INPP4B: variants seen among roughly 807,000 people sequenced by gnomAD.
INPP4B encodes the protein inositol polyphosphate-4-phosphatase type II B, also known as inositol polyphosphate 4-phosphatase type II.
Under a neutral mutation model 122.5 loss-of-function variants are expected in INPP4B, and 55 were observed. The observed-to-expected ratio is 0.45, with a 90% CI of 0.36 to 0.56. INPP4B has a LOEUF of 0.56. INPP4B is among the 20% of genes least tolerant of loss of function. The probability of loss-of-function intolerance (pLI) is 0.00; values close to 1 mark genes in which losing one functional copy is unlikely to be tolerated. For synonymous variants in INPP4B, 403 were observed against 388.7 expected, an observed-to-expected ratio of 1.04 and a Z score of -0.43; for missense variants, 1,000 against 1,097.7, an observed-to-expected ratio of 0.91 and a Z score of 1.26.
At chr4:142,662,242 A>C (rs940162859) in intron 2 of INPP4B, among the ~76,000 whole-genome samples, 23 of 152,038 alleles carry the variant, frequency 1.5e-4, no homozygotes, top group African/African-American at 3.1e-4. Flanking sequence ...CAAAAAAAAA[A>C]ACAAAAAACA....
intron 1 of INPP4B, among the ~76,000 whole-genome samples, chr4:142,823,207 T>C (rs1781011473): frequency 6.6e-6 from 1 of 152,150 alleles, no homozygotes; most frequent in Non-Finnish European, 1.5e-5. Context: ...GCCAGAAGTA[T>C]TTGGTGAAGC....
At chr4:142,243,093 T>C (rs1366092804) in intron 11 of INPP4B, among the ~76,000 whole-genome samples, 1 of 152,086 alleles carries the variant, frequency 6.6e-6, no homozygotes, top group Non-Finnish European at 1.5e-5. Context: ...CGGAAGAGCA[T>C]AATTAAAAGC....
At chr4:142,597,608 C>T (rs1422416821) in intron 2 of INPP4B, among the ~76,000 whole-genome samples, 2 of 152,146 alleles carry the variant, frequency 1.3e-5, no homozygotes, top group Admixed American at 6.5e-5. Context: ...CAAAATCAGA[C>T]ATGCTGCATA....
chr4:142,150,334 T>C (rs1443019391), intron 17 of INPP4B, among the ~76,000 whole-genome samples: 3 of 152,194 alleles, frequency 2.0e-5, no homozygotes, highest in African/African-American at 7.2e-5. Context: ...CTTAGCTCCC[T>C]GCCACATGAG....
At chr4:142,519,399 A>C (rs906383364) in intron 2 of INPP4B, among the ~76,000 whole-genome samples, 1 of 152,156 alleles carries the variant, frequency 6.6e-6, no homozygotes, top group East Asian at 1.9e-4. Flanking sequence ...GCATAAGCAG[A>C]CTACTGCTGA....
At chr4:142,076,332 G>A (rs969663879) in intron 25 of INPP4B, among the ~76,000 whole-genome samples, 1 of 151,876 alleles carries the variant, frequency 6.6e-6, no homozygotes, top group Non-Finnish European at 1.5e-5. Context: ...TTCTCTTTTG[G>A]GGTTTATAGT....
In INPP4B at chr4:142,097,411, T is replaced by G. The variant is rs978034458; in HGVS notation, c.2374+10682A>C. The stretch of plus-strand genomic sequence containing the variant: ...CTGGGATTAGAGGTGCCTGCAACCA[T>G]GCCTGGCTAATTTTTTGTATTTTTT... On this transcript the variant is annotated intron_variant, in intron 23 of 25. Transcript: ENST00000262992. Among the ~76,000 whole-genome samples the G allele has an allele frequency of 1.9e-4, 29 of 151,138 alleles. 1 individual carries two copies. The East Asian group carries it at 3.5e-3, about 18-fold the overall frequency.
At chr4:142,030,755 C>T (rs1739392553) in intron 25 of INPP4B, among the ~76,000 whole-genome samples, 1 of 152,162 alleles carries the variant, frequency 6.6e-6, no homozygotes, top group Non-Finnish European at 1.5e-5. Flanking sequence ...TAAACATACT[C>T]TCTACTGGCA....
At chr4:142,614,478 C>T (rs1039908910) in intron 2 of INPP4B, among the ~76,000 whole-genome samples, 2 of 152,000 alleles carry the variant, frequency 1.3e-5, no homozygotes, top group Non-Finnish European at 2.9e-5. Context: ...TGGACATTGA[C>T]CTAGGCAAAG....
chr4:142,377,892 A>C (rs1274212340), intron 7 of INPP4B, among the ~76,000 whole-genome samples: 1 of 152,144 alleles, frequency 6.6e-6, no homozygotes, highest in Non-Finnish European at 1.5e-5. Context: ...ACAAAAACAT[A>C]TGTAACATAT....
At chr4:142,509,760 T>C (rs1198087499) in intron 2 of INPP4B, among the ~76,000 whole-genome samples, 1 of 152,188 alleles carries the variant, frequency 6.6e-6, no homozygotes, top group Non-Finnish European at 1.5e-5. Context: ...GTTATTTAAC[T>C]CTCAGGCTCA....
chr4:142,330,230 G>A (rs902105771), intron 7 of INPP4B, among the ~76,000 whole-genome samples: 4 of 152,134 alleles, frequency 2.6e-5, no homozygotes, highest in Non-Finnish European at 5.9e-5. Context: ...CAAAATAGAA[G>A]AGCCCCTTTA....
chr4:142,134,985 T>C (rs1370659631), intron 18 of INPP4B, among the ~76,000 whole-genome samples: 1 of 152,134 alleles, frequency 6.6e-6, no homozygotes, highest in African/African-American at 2.4e-5. Flanking sequence ...GTTGTATGTT[T>C]GTATTTTATA....
At chr4:142,430,274 A>G (rs1411898916) in intron 4 of INPP4B, among the ~76,000 whole-genome samples, 1 of 152,052 alleles carries the variant, frequency 6.6e-6, no homozygotes, top group East Asian at 1.9e-4. Flanking sequence ...AGATTTTTCA[A>G]GAGAGGTTAA....
At chr4:142,320,961 C>A (rs746512816) in intron 7 of INPP4B, among the ~76,000 whole-genome samples, 1 of 152,102 alleles carries the variant, frequency 6.6e-6, no homozygotes, top group Non-Finnish European at 1.5e-5. Flanking sequence ...CATATGACTC[C>A]TTTTCCTCTG....
intron 17 of INPP4B, among the ~76,000 whole-genome samples, chr4:142,155,601 T>TCC (rs1816758082): frequency 1.3e-5 from 2 of 152,148 alleles, no homozygotes; most frequent in South Asian, 4.1e-4. Context: ...GTTATTTATA[T>TCC]CCTACTGCTC....
At chr4:142,637,516 A>C (rs1749436199) in intron 2 of INPP4B, among the ~76,000 whole-genome samples, 2 of 152,108 alleles carry the variant, frequency 1.3e-5, no homozygotes, top group African/African-American at 2.4e-5. Context: ...ATGTATTGTC[A>C]TGGCTTGATA....
At chr4:142,274,489 T>G (rs779406919) in intron 9 of INPP4B, among the ~76,000 whole-genome samples, 1 of 151,688 alleles carries the variant, frequency 6.6e-6, no homozygotes, top group Non-Finnish European at 1.5e-5. Flanking sequence ...TCTTCCTCAC[T>G]CTACACCTTC....
At chr4:142,835,783 C>G (rs949845101) in intron 1 of INPP4B, among the ~76,000 whole-genome samples, 3 of 152,136 alleles carry the variant, frequency 2.0e-5, no homozygotes, top group Non-Finnish European at 2.9e-5. Flanking sequence ...AACATTTATA[C>G]TGAGTATATC....
Sources: gnomAD v4.1 joint callset for allele counts (sites outside exome capture counted in the v4.1 genomes callset) on GRCh38, gnomAD v4.1.1 for gene constraint, MANE v1.5 for transcripts, NCBI Gene and HGNC (gene_info 2026-07-23, HGNC 2026-07-21) for gene names.